The following AMBRA1 variants were observed in gnomAD, a reference collection of about 807,000 sequenced individuals.
The protein encoded by AMBRA1 is activating molecule in BECN1-regulated autophagy protein 1.
In AMBRA1, 47 loss-of-function variants were observed where a neutral mutation model predicts 125.4. That is an observed-to-expected ratio of 0.37 (90% confidence interval 0.30 to 0.48). The LOEUF (loss-of-function observed/expected upper bound fraction) is 0.48. AMBRA1 is among the 20% of genes least tolerant of loss of function. The pLI is 0.99. For missense variants in AMBRA1, 1,331 were observed against 1,693.4 expected, an observed-to-expected ratio of 0.79 and a Z score of 3.76; for synonymous variants, 626 against 655.5, an observed-to-expected ratio of 0.95 and a Z score of 0.69.
intron 15 of AMBRA1, among the ~76,000 whole-genome samples, chr11:46,415,364 A>G (rs926607332): frequency 6.6e-6 from 1 of 152,216 alleles, no homozygotes; most frequent in Admixed American, 6.5e-5. Context: ...AAGAGTTACA[A>G]AAGTATGTGT....
intron 1 of AMBRA1, among the ~76,000 whole-genome samples, chr11:46,558,761 C>T (rs369476815): frequency 4.3e-4 from 66 of 152,164 alleles, no homozygotes; most frequent in African/African-American, 1.5e-3. Context: ...TTTCTTAGGA[C>T]TCGTTCTTCC....
At chr11:46,555,352 C>T (rs2043131245) in intron 1 of AMBRA1, among the ~76,000 whole-genome samples, 1 of 152,184 alleles carries the variant, frequency 6.6e-6, no homozygotes, top group African/African-American at 2.4e-5. Context: ...TTTTACTCCA[C>T]CTTCTAGCTA....
At chr11:46,426,005 G>T (rs1233013625) in intron 14 of AMBRA1, among the ~76,000 whole-genome samples, 1 of 151,526 alleles carries the variant, frequency 6.6e-6, no homozygotes, top group Non-Finnish European at 1.5e-5. Flanking sequence ...AAATTAGCTG[G>T]GCGTGGTGGC....
chr11:46,582,108 C>T (rs1398925836), intron 1 of AMBRA1, among the ~76,000 whole-genome samples: 2 of 143,106 alleles, frequency 1.4e-5, no homozygotes, highest in Non-Finnish European at 3.0e-5. Flanking sequence ...GAGACCCTGT[C>T]TCAAAAAAAA....
Position 46,542,605 on chromosome 11 carries a change from C to T in AMBRA1, c.1412G>A (p.Gly471Asp). 1 of 1,614,022 alleles carries T rather than the reference C, an allele frequency of 6.2e-7. No homozygotes were observed. The highest frequency in any genetic ancestry group is 8.5e-7 in the Non-Finnish European group (1 of 1,180,032). ...SVYTSATEGR[G>D]FPASGLATES... ...AGTTGCCAACCCTGATGCCGGAAAA[C>T]CCCTCCCTTCTGTGGCTGAAGTGTA... The change falls in exon 7 of 18, where the codon GGT becomes GAT. Residue 471 changes from glycine to aspartate, a missense_variant. Around this residue, in one of 4 missense-constraint regions of AMBRA1, gnomAD observed 689 missense variants for 776.5 expected, o/e 0.89. Transcript: ENST00000683756. This position sits in a 1 kb window ranked among gnomAD's most constrained non-coding sequence, Gnocchi z 5.9.
intron 7 of AMBRA1, among the ~76,000 whole-genome samples, chr11:46,516,430 T>TC (rs1951488371): frequency 8.1e-6 from 1 of 123,940 alleles, no homozygotes; most frequent in African/African-American, 4.0e-5. Context: ...TTTCTTTTTT[T>TC]TTTTTTTTTT....
rs973834256 is a variant in AMBRA1 at position 46,433,681 on chromosome 11, G to A, written c.2822-53C>T. ...TTCCTAGGCTTCTGGCCATTCCAAG[G>A]AAACAACTTTCACTCTTACTCTTGT... On this transcript the variant is annotated intron_variant, in intron 13 of 17. Transcript: ENST00000683756. The A allele has an allele frequency of 3.8e-6, 6 of 1,571,494 alleles. No homozygotes were observed. The African/African-American group carries it at 4.1e-5, about 11-fold the overall frequency.
chr11:46,515,472 C>T lies in AMBRA1; in HGVS notation c.2073-2659G>A, dbSNP rs201880316. 1.5e-4 allele frequency among the ~76,000 whole-genome samples: 21 copies of T among 144,710 alleles called. No individual in the cohort carries two copies. In the East Asian group the frequency reaches 4.1e-3, roughly 28 times the overall value. The allele number at this position is 144,710 out of a possible 152,430, so 94.9% of individuals were successfully genotyped here. A position where few individuals can be genotyped will look rare whatever the true frequency, so the allele number is the denominator to read the frequency against. ...TGGGTGACAGAGTGAGACTGCATCT[C>T]AAAACAAACAAACAAACAAACAAAC... On this transcript the variant is annotated intron_variant, in intron 7 of 17. Coordinates refer to ENST00000683756, the MANE Select transcript of AMBRA1 (RefSeq NM_001387011.1).
chr11:46,591,938 CTGA>C (rs2044613734), intron 1 of AMBRA1, among the ~76,000 whole-genome samples: 1 of 143,276 alleles, frequency 7.0e-6, no homozygotes, highest in South Asian at 2.2e-4. Flanking sequence ...GACCTCAAGA[CTGA>C]TTTTTTTTTT....
chr11:46,532,306 C>A (rs186705956), intron 7 of AMBRA1, among the ~76,000 whole-genome samples: 153 of 152,238 alleles, frequency 1.0e-3, no homozygotes, highest in Non-Finnish European at 1.7e-3. Context: ...AACAAATGTA[C>A]ACTAACACCT....
intron 1 of AMBRA1, among the ~76,000 whole-genome samples, chr11:46,582,169 C>T (rs564144975): frequency 2.6e-5 from 4 of 151,882 alleles, no homozygotes; most frequent in Non-Finnish European, 5.9e-5. Context: ...AGTCTCTATC[C>T]TCATTCTATG....
intron 7 of AMBRA1, among the ~76,000 whole-genome samples, chr11:46,517,658 C>A (rs1205452596): frequency 6.7e-6 from 1 of 148,704 alleles, no homozygotes; most frequent in African/African-American, 2.5e-5. Context: ...CATGGTGAAA[C>A]CATGTCTCTA....
intron 17 of AMBRA1, among the ~76,000 whole-genome samples, chr11:46,399,943 C>A (rs1304716907): frequency 6.6e-6 from 1 of 152,110 alleles, no homozygotes; most frequent in Non-Finnish European, 1.5e-5. Context: ...CACTTGCTTG[C>A]TGGGTGACCT....
intron 7 of AMBRA1, among the ~76,000 whole-genome samples, chr11:46,539,981 G>A (rs542164171): frequency 3.3e-5 from 5 of 152,068 alleles, no homozygotes; most frequent in East Asian, 1.9e-4. Flanking sequence ...ACAGGCCTGC[G>A]CCACCAAGCC....
At chr11:46,540,328 A>C (rs1463844291) in intron 7 of AMBRA1, among the ~76,000 whole-genome samples, 2 of 152,188 alleles carry the variant, frequency 1.3e-5, no homozygotes. Flanking sequence ...AGAGATCTTT[A>C]ATAAACTTTT....
At chr11:46,524,374 G>A (rs932024360) in intron 7 of AMBRA1, among the ~76,000 whole-genome samples, 2 of 152,188 alleles carry the variant, frequency 1.3e-5, no homozygotes, top group African/African-American at 4.8e-5. Flanking sequence ...CAATGCACAG[G>A]ACAGCCTCCC....
At chr11:46,588,781 A>G (rs993485293) in intron 1 of AMBRA1, among the ~76,000 whole-genome samples, 1 of 151,904 alleles carries the variant, frequency 6.6e-6, no homozygotes, top group Non-Finnish European at 1.5e-5. Context: ...ATCTCAAAAA[A>G]AAAAAAAAAA....
intron 12 of AMBRA1, among the ~76,000 whole-genome samples, chr11:46,438,249 G>A (rs534778845): frequency 6.6e-6 from 1 of 152,260 alleles, no homozygotes; most frequent in African/African-American, 2.4e-5. Context: ...AGCTCCGGAG[G>A]GAGAAAAAAC....
Position 46,543,055 on chromosome 11 carries a change from G to A in AMBRA1, c.962C>T (p.Ser321Phe). ...CSRCSGTRVPSLLPHQDSVPP... is the reference protein window; with the variant it reads ...CSRCSGTRVPFLLPHQDSVPP... ...GACACTGTCCTGGTGTGGCAAGAGG[G>A]AAGGAACTCGAGTGCCAGAGCAGCG... Residue 321 changes from serine (S) to phenylalanine (F), a missense_variant, in exon 7 of 18, where the codon TCC (serine) becomes TTC (phenylalanine). By Grantham distance (155) the Ser-to-Phe change is radical. Transcript: ENST00000683756. The A allele has an allele frequency of 6.3e-7, 1 of 1,598,626 alleles. No individual in the cohort carries two copies. The highest frequency in any genetic ancestry group is 1.1e-5 in the South Asian group (1 of 91,060).
Sources: allele counts gnomAD v4.1 joint callset (sites outside exome capture counted in the v4.1 genomes callset), GRCh38; gene constraint gnomAD v4.1.1; regional missense constraint gnomAD v4.1.1; non-coding constraint Gnocchi (gnomAD v3.1); transcripts MANE v1.5; gene names NCBI Gene and HGNC (gene_info 2026-07-23, HGNC 2026-07-21).